The following WFDC10B variants were observed in gnomAD, a reference collection of about 807,000 sequenced individuals.
The protein encoded by WFDC10B is protein WFDC10B.
WFDC10B carries 1 observed loss-of-function variant against 2.7 expected under a neutral mutation model. The observed-to-expected ratio is 0.38, with a 90% CI of 0.13 to 1.79. The LOEUF (loss-of-function observed/expected upper bound fraction) is 1.79. Among genes scored for constraint, WFDC10B ranks in the 40% most tolerant of loss-of-function variants. WFDC10B has a pLI of 0.33. For missense variants in WFDC10B, 71 were observed against 87.8 expected (o/e 0.81, Z 0.76); for synonymous variants, 26 against 32.2 (o/e 0.81, Z 0.65).
At chr20:45,704,172 G>A (rs1489663421) in intron 2 of WFDC10B, among the ~76,000 whole-genome samples, 1 of 152,180 alleles carries the variant, frequency 6.6e-6, no homozygotes, top group East Asian at 1.9e-4. Context: ...GTCAATGGGG[G>A]CTTGGCATCT....
intron 2 of WFDC10B, among the ~76,000 whole-genome samples, chr20:45,693,818 A>C (rs1983897130): frequency 6.6e-6 from 1 of 152,318 alleles, no homozygotes; most frequent in African/African-American, 2.4e-5. Flanking sequence ...CGGCTTGCGC[A>C]CGGTGCGCTG....
chr20:45,685,959 G>T lies in WFDC10B; in HGVS notation c.34C>A (p.Leu12Ile). Residue 12 changes from leucine to isoleucine, a missense_variant, in exon 3 of 4, where the codon CTC (leucine) becomes ATC (isoleucine). Leu to Ile is a conservative substitution (Grantham distance 5). Transcript: ENST00000330523. ...APQTLLLVLV[L>I]CVLLLQAQGG... Reference sequence around the variant, plus strand: ...TGGGCCTGCAGCAGCAGCACACAGAGAACCAGGACAAGCAGCAGAGTCTGG... The same window carrying T: ...TGGGCCTGCAGCAGCAGCACACAGATAACCAGGACAAGCAGCAGAGTCTGG... The T allele has an allele frequency of 3.1e-6, 5 of 1,614,202 alleles. No individual in the cohort carries two copies. The East Asian group carries it at 1.1e-4, about 36-fold the overall frequency.
intron 3 of WFDC10B, 64 bp downstream of exon 3, chr20:45,685,838 G>A: frequency 5.0e-6 from 8 of 1,593,904 alleles, no homozygotes; most frequent in Non-Finnish European, 6.8e-6. Context: ...TACTCAGACT[G>A]GACACAGCTC....
chr20:45,704,617 G>A, intron 1 of WFDC10B, 56 bp from the exon 2 acceptor site: 1 of 1,612,144 alleles, frequency 6.2e-7, no homozygotes. Flanking sequence ...TCATATCCAG[G>A]TCTGATCCTA....
At chr20:45,702,207 T>C (rs1984190614) in intron 2 of WFDC10B, 1 of 1,611,644 alleles carries the variant, frequency 6.2e-7, no homozygotes, top group African/African-American at 1.3e-5. Flanking sequence ...AGCAGCGTGT[T>C]CTGAGTAGGT....
At position 45,684,679 on chromosome 20, in the gene WFDC10B, A is replaced by C; in HGVS notation, c.*151T>G. 1 of 1,036,514 alleles carries C rather than the reference A, an allele frequency of 9.6e-7. No homozygotes were observed. 64.2% of individuals were successfully genotyped at this position (1,036,514 alleles called of 1,614,324 possible). A position where few individuals can be genotyped will look rare whatever the true frequency, so the allele number is the denominator to read the frequency against. On this transcript the variant is annotated 3_prime_UTR_variant, in exon 4 of 4. Transcript: ENST00000330523. Reference sequence around the variant, plus strand: ...ATGGGCATTTGTTCTGGTTTATTTGACAGGGACAGGGAGTTCAGACACTGG... The same window carrying C: ...ATGGGCATTTGTTCTGGTTTATTTGCCAGGGACAGGGAGTTCAGACACTGG...
intron 2 of WFDC10B, among the ~76,000 whole-genome samples, chr20:45,691,208 T>C (rs1481413982): frequency 6.6e-6 from 1 of 152,232 alleles, no homozygotes; most frequent in Non-Finnish European, 1.5e-5. Context: ...AGATAGTTTG[T>C]TATAATTTCT....
chr20:45,699,844 A>T (rs1056426991), intron 2 of WFDC10B, among the ~76,000 whole-genome samples: 1 of 151,974 alleles, frequency 6.6e-6, no homozygotes, highest in Non-Finnish European at 1.5e-5. Context: ...ACGCCCATCT[A>T]ATTTTTGTAT....
intron 2 of WFDC10B, among the ~76,000 whole-genome samples, chr20:45,688,981 G>A (rs1248021522): frequency 4.6e-5 from 7 of 151,464 alleles, no homozygotes; most frequent in East Asian, 3.9e-4. Context: ...TAGGTATAAC[G>A]TTTAAGTCTT....
intron 2 of WFDC10B, among the ~76,000 whole-genome samples, chr20:45,686,319 AAAAAG>A (rs1452555194): frequency 2.6e-5 from 4 of 152,228 alleles, no homozygotes; most frequent in South Asian, 2.1e-4. Context: ...GCTTTATGGA[AAAAAG>A]AAAAGAAGAA....
rs529790462 is a variant in WFDC10B at position 45,703,984 on chromosome 20, CA to C, written c.-65+512del. Among the ~76,000 whole-genome samples the C allele has an allele frequency of 3.4e-3, 525 of 152,322 alleles. 3 individuals are homozygous for C. The highest frequency in any genetic ancestry group is 0.012 in the African/African-American group (499 of 41,568). On this transcript the variant is annotated intron_variant, in intron 2 of 3. Coordinates refer to ENST00000330523, the MANE Select transcript of WFDC10B (RefSeq NM_172006.2). ...CCTTTACCAAAACTTACCTTTCACT[CA>C]TTCTTCCTGTACACAAATAACCCAT...
rs775199606 is a variant in WFDC10B at position 45,705,014 on chromosome 20, G to A, written c.-226C>T. The A allele has an allele frequency of 1.2e-6, 2 of 1,612,360 alleles. No homozygotes were observed. Among genetic ancestry groups the A allele is most frequent in the Non-Finnish European group, 1.7e-6 (2 of 1,178,570 alleles). On this transcript the variant is annotated 5_prime_UTR_variant, in exon 1 of 4. Coordinates refer to ENST00000330523, the MANE Select transcript of WFDC10B (RefSeq NM_172006.2). ...CATCCTTTGGCCACCAGTGTTCTTG[G>A]GCTCTGGAGATCCAGCCCAAAGGAA...
intron 2 of WFDC10B, among the ~76,000 whole-genome samples, chr20:45,687,793 G>A (rs781414125): frequency 2.6e-5 from 4 of 151,656 alleles, no homozygotes; most frequent in Non-Finnish European, 5.9e-5. Context: ...CTGCATATAT[G>A]TCTTCTCTTG....
intron 2 of WFDC10B, among the ~76,000 whole-genome samples, chr20:45,688,188 T>C (rs1474955749): frequency 6.6e-6 from 1 of 151,954 alleles, no homozygotes; most frequent in East Asian, 1.9e-4. Flanking sequence ...TCCATGTCCC[T>C]GCAAAGGACA....
At chr20:45,686,660 A>G (rs1349593818) in intron 2 of WFDC10B, among the ~76,000 whole-genome samples, 1 of 151,650 alleles carries the variant, frequency 6.6e-6, no homozygotes, top group Non-Finnish European at 1.5e-5. Context: ...TGTGTTCATT[A>G]TAAATTCTTC....
chr20:45,699,159 C>G (rs1417426664), intron 2 of WFDC10B, among the ~76,000 whole-genome samples: 2 of 152,030 alleles, frequency 1.3e-5, no homozygotes, highest in South Asian at 2.1e-4. Context: ...AAATTGGAAC[C>G]CTCGTGCATA....
intron 2 of WFDC10B, among the ~76,000 whole-genome samples, chr20:45,697,056 G>C (rs912500428): frequency 6.6e-6 from 1 of 152,126 alleles, no homozygotes; most frequent in Non-Finnish European, 1.5e-5. Flanking sequence ...CCCAAGATCA[G>C]AAATAAGACA....
At position 45,698,985 on chromosome 20, in the gene WFDC10B, A is replaced by G. The variant is rs867931242; in HGVS notation, c.-65+5512T>C. On this transcript the variant is annotated intron_variant, in intron 2 of 3. Coordinates refer to ENST00000330523, the MANE Select transcript of WFDC10B (RefSeq NM_172006.2). ...TCCATCTAAAAAAAAAAAAAAGAAG[A>G]AGGAGGAGAAGGAGGGGGAGGGGGA... 2.6e-3 allele frequency among the ~76,000 whole-genome samples: 362 copies of G among 137,332 alleles called. 2 individuals are homozygous for G. Among genetic ancestry groups the G allele is most frequent in the Middle Eastern group, 0.014 (4 of 280 alleles). The allele number at this position is 137,332 out of a possible 152,430, so 90.1% of individuals were successfully genotyped here.
chr20:45,704,778 C>G, intron 1 of WFDC10B, 140 bp downstream of exon 1: 1 of 1,262,198 alleles, frequency 7.9e-7, no homozygotes, highest in Non-Finnish European at 1.1e-6. Flanking sequence ...TTAGAAAAGC[C>G]CTCCTCCCCT....
Sources: allele counts gnomAD v4.1 joint callset (sites outside exome capture counted in the v4.1 genomes callset), GRCh38; gene constraint gnomAD v4.1.1; transcripts MANE v1.5; gene names NCBI Gene and HGNC (gene_info 2026-07-23, HGNC 2026-07-21).